Variants in SAMD3 observed in about 807,000 individuals in gnomAD.
The protein encoded by SAMD3 is sterile alpha motif domain containing 3.
A neutral mutation model predicts 58.5 loss-of-function variants in SAMD3; 63 were observed. The observed-to-expected ratio is 1.08, with a 90% confidence interval of 0.88 to 1.33. SAMD3 has a LOEUF of 1.33. SAMD3 is among the 40% of genes most tolerant of loss of function. The pLI, the probability that SAMD3 is intolerant of heterozygous loss-of-function variation, is 0.00. For missense variants in SAMD3, 604 were observed against 608.4 expected, an observed-to-expected ratio of 0.99 and a Z score of 0.08; for synonymous variants, 220 against 210.3, an observed-to-expected ratio of 1.05 and a Z score of -0.40.
At chr6:130,207,760 G>A (rs1387101672) in intron 5 of SAMD3, among the ~76,000 whole-genome samples, 1 of 152,204 alleles carries the variant, frequency 6.6e-6, no homozygotes, top group Non-Finnish European at 1.5e-5. Flanking sequence ...CTTCTTGGTT[G>A]CCACCCCAAA....
intron 2 of SAMD3, among the ~76,000 whole-genome samples, chr6:130,241,592 A>T (rs1156698449): frequency 1.3e-5 from 2 of 152,036 alleles, no homozygotes; most frequent in African/African-American, 4.8e-5. Context: ...TGTTTCTGTG[A>T]CTTGCCACCA....
At position 130,184,466 on chromosome 6, in the gene SAMD3, C is replaced by T. The variant is rs150968705; in HGVS notation, c.541G>A (p.Asp181Asn). 3,008 of 1,613,990 alleles carry T rather than the reference C, an allele frequency of 1.9e-3. 8 individuals carry two copies. The highest frequency in any genetic ancestry group is 3.8e-3 in the Middle Eastern group (23 of 6,060). Reference protein sequence around the residue: ...RIRIIEFLQADMTKYLEGSLY... With the variant: ...RIRIIEFLQANMTKYLEGSLY... ...GAGCCTTCCAGATACTTAGTCATGT[C>T]GGCCTGGAGAAACTCAATGATCCTT... The change falls in exon 6 of 12, where the codon GAC (aspartate) becomes AAC (asparagine). Residue 181 changes from aspartate to asparagine, a missense_variant. Asp to Asn is a conservative substitution (Grantham distance 23). Transcript: ENST00000439090.
chr6:130,325,133 G>C (rs1393601164), intron 1 of SAMD3, among the ~76,000 whole-genome samples: 6 of 152,092 alleles, frequency 3.9e-5, no homozygotes, highest in Non-Finnish European at 8.8e-5. Context: ...GTAGTTTTAT[G>C]TATTTATGTA....
chr6:130,171,911 A>C (rs1168861773), intron 8 of SAMD3, among the ~76,000 whole-genome samples: 1 of 152,204 alleles, frequency 6.6e-6, no homozygotes, highest in African/African-American at 2.4e-5. Context: ...GTGCATATAT[A>C]TTTAGCATAG....
chr6:130,343,503 T>C (rs6914642), intron 1 of SAMD3, among the ~76,000 whole-genome samples: 74,103 of 152,074 alleles, frequency 0.49, 22,163 homozygotes, highest in African/African-American at 0.85. Context: ...ACATATTCCT[T>C]TCGTGGAAGT....
chr6:130,275,310 T>G (rs1354323709), intron 2 of SAMD3, among the ~76,000 whole-genome samples: 1 of 152,230 alleles, frequency 6.6e-6, no homozygotes, highest in East Asian at 1.9e-4. Context: ...ATCAGCATTT[T>G]AAATTTTATT....
At chr6:130,251,937 G>T (rs980660908) in intron 2 of SAMD3, among the ~76,000 whole-genome samples, 4 of 151,238 alleles carry the variant, frequency 2.6e-5, no homozygotes, top group South Asian at 4.2e-4. Flanking sequence ...TTATAGCATT[G>T]TTTAAGTCCT....
At chr6:130,237,336 C>A (rs1773192771) in intron 2 of SAMD3, among the ~76,000 whole-genome samples, 1 of 152,112 alleles carries the variant, frequency 6.6e-6, no homozygotes, top group Non-Finnish European at 1.5e-5. Context: ...CTATTATGCT[C>A]ACATAATCCC....
chr6:130,169,761 T>C (rs554181452), intron 8 of SAMD3, among the ~76,000 whole-genome samples: 120 of 152,194 alleles, frequency 7.9e-4, no homozygotes, highest in Non-Finnish European at 1.4e-3. Flanking sequence ...TAAAAGATGA[T>C]GTGTCAACAC....
At chr6:130,308,034 C>CT (rs1248403523) in intron 2 of SAMD3, among the ~76,000 whole-genome samples, 2 of 152,190 alleles carry the variant, frequency 1.3e-5, no homozygotes, top group Non-Finnish European at 2.9e-5. Flanking sequence ...AAAGAACACC[C>CT]ATCATTGGTT....
intron 8 of SAMD3, among the ~76,000 whole-genome samples, chr6:130,166,033 G>A (rs1357648849): frequency 6.6e-6 from 1 of 152,164 alleles, no homozygotes; most frequent in Non-Finnish European, 1.5e-5. Context: ...TCCAGTTACA[G>A]CAGGATGCTT....
At chr6:130,188,239 G>A (rs1259463025) in intron 5 of SAMD3, among the ~76,000 whole-genome samples, 3 of 152,194 alleles carry the variant, frequency 2.0e-5, no homozygotes, top group Non-Finnish European at 4.4e-5. Context: ...TAGGAAAGAT[G>A]GCTCTGTTAA....
intron 2 of SAMD3, among the ~76,000 whole-genome samples, chr6:130,303,809 T>C (rs62433901): frequency 0.17 from 25,654 of 152,198 alleles, 2,426 homozygotes; most frequent in East Asian, 0.36. Context: ...TAAAACAATA[T>C]ATAAAATAAT....
At chr6:130,341,381 C>A (rs547185720) in intron 1 of SAMD3, among the ~76,000 whole-genome samples, 2 of 152,164 alleles carry the variant, frequency 1.3e-5, no homozygotes, top group Admixed American at 1.3e-4. Context: ...TAGTTTAGTT[C>A]TTTTGTTGTT....
chr6:130,144,869 T>C, intron 11 of SAMD3, 65 bp from the exon 12 acceptor site: 1 of 1,354,672 alleles, frequency 7.4e-7, no homozygotes, highest in Non-Finnish European at 1.0e-6. Context: ...ACATCTGAAC[T>C]TAATCATGGT....
At chr6:130,287,170 T>C (rs1419354508) in intron 2 of SAMD3, among the ~76,000 whole-genome samples, 1 of 152,244 alleles carries the variant, frequency 6.6e-6, no homozygotes, top group Non-Finnish European at 1.5e-5. Flanking sequence ...TAATGATCTT[T>C]ACCTAAGTTT....
intron 8 of SAMD3, among the ~76,000 whole-genome samples, chr6:130,158,237 A>T (rs865963851): frequency 1.3e-5 from 2 of 152,338 alleles, no homozygotes; most frequent in Middle Eastern, 6.8e-3. Context: ...CATTTGAAAG[A>T]TTAAAAACCT....
At chr6:130,157,939 A>G (rs1183277914) in intron 8 of SAMD3, among the ~76,000 whole-genome samples, 2 of 60,308 alleles carry the variant, frequency 3.3e-5, no homozygotes, top group Admixed American at 1.6e-4. Flanking sequence ...TTACAATTAT[A>G]TTTTGCAAAA....
chr6:130,144,063 A>G, downstream of SAMD3: 1 of 156,662 alleles, frequency 6.4e-6, no homozygotes, highest in Non-Finnish European at 1.4e-5. Context: ...TGAGGGAGAG[A>G]AGAGTATGTG....
Sources: allele counts gnomAD v4.1 joint callset (sites outside exome capture counted in the v4.1 genomes callset), GRCh38; gene constraint gnomAD v4.1.1; transcripts MANE v1.5; gene names NCBI Gene and HGNC (gene_info 2026-07-23, HGNC 2026-07-21).